Variants in DNAH6 observed in about 807,000 individuals in gnomAD.
DNAH6 encodes dynein axonemal heavy chain 6.
In DNAH6, 340 loss-of-function variants were observed where a neutral mutation model predicts 491.4. The ratio of observed to expected loss-of-function variants is 0.69; its 90% CI spans 0.63 to 0.76. DNAH6 has a LOEUF of 0.76. Ranked by LOEUF, DNAH6 falls within the 30% of genes least tolerant of loss-of-function variation. The probability of loss-of-function intolerance (pLI) is 0.00; values close to 1 mark genes in which losing one functional copy is unlikely to be tolerated. For synonymous variants in DNAH6, 1,603 were observed against 1,686.1 expected (o/e 0.95, Z 1.21); for missense variants, 4,443 against 4,972.2 (o/e 0.89, Z 3.20).
At chr2:84,511,825 T>G (rs77461925), upstream of DNAH6, among the ~76,000 whole-genome samples, 1,104 of 152,348 alleles carry the variant, frequency 7.2e-3, 14 homozygotes, top group African/African-American at 0.025. Flanking sequence ...ATTACATTTA[T>G]GATTTTTTTA....
intron 76 of DNAH6, among the ~76,000 whole-genome samples, chr2:84,817,317 A>G (rs1217634359): frequency 1.3e-5 from 2 of 152,250 alleles, no homozygotes; most frequent in African/African-American, 4.8e-5. Context: ...ATATAAAAAG[A>G]TAATGGAGAA....
intron 22 of DNAH6, among the ~76,000 whole-genome samples, chr2:84,613,469 T>C (rs1686530168): frequency 6.6e-6 from 1 of 152,128 alleles, no homozygotes; most frequent in African/African-American, 2.4e-5. Context: ...TGATCAAGAC[T>C]GCGGATTTGA....
At chr2:84,669,062 G>A (rs1175923472) in intron 37 of DNAH6, among the ~76,000 whole-genome samples, 1 of 152,078 alleles carries the variant, frequency 6.6e-6, no homozygotes, top group African/African-American at 2.4e-5. Context: ...ATTCTGACAT[G>A]GGTTTTAATA....
At chr2:84,693,466 G>A (rs1219410472) in intron 45 of DNAH6, among the ~76,000 whole-genome samples, 1 of 151,998 alleles carries the variant, frequency 6.6e-6, no homozygotes, top group African/African-American at 2.4e-5. Context: ...CCTGTTGGCC[G>A]GGCGTGGTGG....
chr2:84,734,414 A>G (rs1012890531), intron 62 of DNAH6, among the ~76,000 whole-genome samples: 2 of 152,050 alleles, frequency 1.3e-5, no homozygotes, highest in Non-Finnish European at 2.9e-5. Context: ...TGCTGGGAAA[A>G]ACTACACTTT....
chr2:84,552,860 T>C, intron 9 of DNAH6, 58 bp from the exon 10 acceptor site: 1 of 972,602 alleles, frequency 1.0e-6, no homozygotes, highest in Non-Finnish European at 1.5e-6. Flanking sequence ...TGTTTTTTTA[T>C]TTTGTTTTAG....
chr2:84,545,399 A>G (rs897313750), intron 5 of DNAH6, among the ~76,000 whole-genome samples: 4 of 152,140 alleles, frequency 2.6e-5, no homozygotes, highest in African/African-American at 9.6e-5. Flanking sequence ...TTCATTAAGG[A>G]TACATCAGTC....
In DNAH6 at chr2:84,662,503, T is replaced by A. The variant is rs571566329; in HGVS notation, c.6084+3334T>A. Among the ~76,000 whole-genome samples, 23 of 152,286 alleles carry A rather than the reference T, an allele frequency of 1.5e-4. 1 individual carries two copies. The highest frequency in any genetic ancestry group is 3.2e-4 in the Non-Finnish European group (22 of 68,006). On this transcript the variant is annotated intron_variant, in intron 37 of 76. Transcript: ENST00000389394. ...CCCACGCCCACAGATCCTCACTCAC[T>A]GCTAGCACAGCAGTCTGAGATCGAA...
At chr2:84,697,890 T>C (rs904616945) in intron 47 of DNAH6, 163 bp downstream of exon 47, 6 of 736,196 alleles carry the variant, frequency 8.1e-6, no homozygotes, top group African/African-American at 3.6e-5. Context: ...GTTTAAAGCA[T>C]TGGGTCACCA....
chr2:84,522,702 T>C (rs951628761), intron 2 of DNAH6, among the ~76,000 whole-genome samples: 19 of 152,172 alleles, frequency 1.2e-4, no homozygotes, highest in Admixed American at 1.2e-3. Context: ...CAAAAGCTTT[T>C]TCTGGATCTG....
the DNAH6 span, among the ~76,000 whole-genome samples, chr2:84,462,470 C>T: frequency 4.6e-5 from 7 of 152,186 alleles, no homozygotes; most frequent in Non-Finnish European, 5.9e-5. Context: ...TCCTGAGTCA[C>T]GAGTGCATCC....
intron 37 of DNAH6, among the ~76,000 whole-genome samples, chr2:84,665,929 A>G (rs1692079223): frequency 6.6e-6 from 1 of 152,210 alleles, no homozygotes; most frequent in Admixed American, 6.5e-5. Context: ...CATCCCTGGG[A>G]TGCACGGCTG....
intron 33 of DNAH6, among the ~76,000 whole-genome samples, chr2:84,644,059 A>G (rs138284098): frequency 3.5e-4 from 54 of 152,226 alleles, no homozygotes; most frequent in African/African-American, 1.3e-3. Context: ...AGCAGGAGAG[A>G]AAGTGTTCTA....
intron 7 of DNAH6, 77 bp from the exon 8 acceptor site, chr2:84,548,211 C>A: frequency 4.2e-6 from 6 of 1,426,034 alleles, no homozygotes; most frequent in Non-Finnish European, 5.6e-6. Flanking sequence ...TTTTGTTTAT[C>A]TTTTCTTTGA....
chr2:84,639,915 A>G (rs764100451), intron 31 of DNAH6, among the ~76,000 whole-genome samples: 1 of 152,220 alleles, frequency 6.6e-6, no homozygotes, highest in Non-Finnish European at 1.5e-5. Context: ...CAGAGACACT[A>G]AGCATCATCT....
intron 37 of DNAH6, among the ~76,000 whole-genome samples, chr2:84,668,810 CTGTGTG>C (rs766203821): frequency 1.7e-5 from 2 of 120,976 alleles, no homozygotes; most frequent in Non-Finnish European, 3.4e-5. Flanking sequence ...AGCCATCCCT[CTGTGTG>C]TGTGTGTGTG....
intron 56 of DNAH6, among the ~76,000 whole-genome samples, chr2:84,710,819 A>T (rs1415625495): frequency 6.6e-6 from 1 of 152,078 alleles, no homozygotes; most frequent in African/African-American, 2.4e-5. Flanking sequence ...TCAGAATTGG[A>T]TTAAGTGAAT....
intron 21 of DNAH6, among the ~76,000 whole-genome samples, chr2:84,608,679 T>A (rs1841420): frequency 1.3e-5 from 2 of 152,180 alleles, no homozygotes; most frequent in African/African-American, 4.8e-5. Context: ...TAGAGCACAG[T>A]CAGAGTAGAT....
intron 25 of DNAH6, 28 bp downstream of exon 25, chr2:84,621,383 T>C: frequency 6.5e-7 from 1 of 1,548,564 alleles, no homozygotes; most frequent in South Asian, 1.2e-5. Flanking sequence ...TTCATATCCC[T>C]GAATTCTTAT....
Sources: allele counts gnomAD v4.1 joint callset (sites outside exome capture counted in the v4.1 genomes callset), GRCh38; gene constraint gnomAD v4.1.1; transcripts MANE v1.5; gene names NCBI Gene and HGNC (gene_info 2026-07-23, HGNC 2026-07-21).